Variants in SLC6A17 observed in about 807,000 individuals in gnomAD.
SLC6A17 encodes sodium-dependent neutral amino acid transporter SLC6A17.
In SLC6A17, 21 loss-of-function variants were observed where a neutral mutation model predicts 64.5. That is an observed-to-expected ratio of 0.33 (90% CI 0.23 to 0.47). The LOEUF (loss-of-function observed/expected upper bound fraction) is 0.47, where lower values mean the gene tolerates loss of function less well. SLC6A17 is among the 20% of genes least tolerant of loss of function. The pLI, the probability that SLC6A17 is intolerant of heterozygous loss-of-function variation, is 1.00. For missense variants in SLC6A17, 682 were observed against 963.2 expected, an observed-to-expected ratio of 0.71 and a Z score of 3.86; for synonymous variants, 372 against 399.5, an observed-to-expected ratio of 0.93 and a Z score of 0.82.
intron 6 of SLC6A17, among the ~76,000 whole-genome samples, chr1:110,185,889 T>C (rs1419435001): frequency 6.6e-6 from 1 of 152,060 alleles, no homozygotes; most frequent in Middle Eastern, 3.2e-3. Flanking sequence ...TCAGCAAGAG[T>C]ACCCCTCTGA....
Position 110,197,465 on chromosome 1 carries a change from G to T in SLC6A17, c.1681G>T (p.Gly561Cys), listed in dbSNP as rs1427680960. The change falls in exon 11 of 12, where the codon GGC (glycine) becomes TGC (cysteine). Residue 561 changes from glycine to cysteine, a missense_variant. Gly to Cys is a radical substitution (Grantham distance 159). Coordinates refer to ENST00000331565, the MANE Select transcript of SLC6A17 (RefSeq NM_001010898.4). ...CATGCAGGAGCTGACGGAGATGCTG[G>T]GCTTCCGCCCCTACCGCTTCTATTT... ...KFMQELTEML[G>C]FRPYRFYFYM... 6.2e-7 allele frequency: 1 copy of T among 1,613,162 alleles called. No individual in the cohort carries two copies. Among genetic ancestry groups the T allele is most frequent in the Admixed American group, 1.7e-5 (1 of 59,926 alleles).
At chr1:110,173,226 CAT>C (rs1247458872) in intron 3 of SLC6A17, among the ~76,000 whole-genome samples, 1 of 152,268 alleles carries the variant, frequency 6.6e-6, no homozygotes, top group Non-Finnish European at 1.5e-5. Flanking sequence ...CTCCTGCACA[CAT>C]GTGCTCAGGT....
intron 11 of SLC6A17, 78 bp downstream of exon 11, chr1:110,197,677 C>A: frequency 6.9e-7 from 1 of 1,440,198 alleles, no homozygotes; most frequent in East Asian, 2.4e-5. Flanking sequence ...AGGGATACAC[C>A]TTTCTAGGGC....
At chr1:110,189,781 G>A (rs1011197894) in intron 6 of SLC6A17, among the ~76,000 whole-genome samples, 1 of 152,046 alleles carries the variant, frequency 6.6e-6, no homozygotes, top group Non-Finnish European at 1.5e-5. Flanking sequence ...GCTTCTTCCC[G>A]AATGTTCTTC....
intron 2 of SLC6A17, among the ~76,000 whole-genome samples, chr1:110,169,619 G>T (rs369888187): frequency 6.6e-6 from 1 of 151,986 alleles, no homozygotes; most frequent in Non-Finnish European, 1.5e-5. Flanking sequence ...AATACTGACC[G>T]AGGCATAGAT....
At chr1:110,195,547 G>C (rs1656939023) in intron 9 of SLC6A17, 39 bp from the exon 10 acceptor site, 1 of 1,610,666 alleles carries the variant, frequency 6.2e-7, no homozygotes, top group Admixed American at 1.7e-5. Flanking sequence ...TGCCCACCCT[G>C]CACCTTTGCC....
At chr1:110,161,411 C>T (rs1249963524) in intron 1 of SLC6A17, among the ~76,000 whole-genome samples, 5 of 152,044 alleles carry the variant, frequency 3.3e-5, no homozygotes, top group African/African-American at 1.2e-4. Context: ...TTCTTGGGGG[C>T]TCTTCAGGGT....
In SLC6A17 at chr1:110,200,701, T is replaced by C. The variant is rs1657102011; in HGVS notation, c.*2257T>C. The stretch of plus-strand genomic sequence containing the variant: ...GCTGGGGCTGTGTGCTTGCTAGGTG[T>C]GGGCGCGCTAGTGCTCGTTGTAGCC... On this transcript the variant is annotated 3_prime_UTR_variant, in exon 12 of 12. Transcript: ENST00000331565. The C allele has an allele frequency of 6.6e-6, 1 of 152,274 alleles. No homozygotes were observed. 9.4% of individuals were successfully genotyped at this position (152,274 alleles called of 1,614,324 possible).
intron 1 of SLC6A17, among the ~76,000 whole-genome samples, chr1:110,159,828 G>A (rs986841661): frequency 6.6e-6 from 1 of 152,152 alleles, no homozygotes; most frequent in African/African-American, 2.4e-5. Flanking sequence ...CTAGAAGTTG[G>A]AAAAACACAT....
chr1:110,187,554 T>A (rs1223264104), intron 6 of SLC6A17, among the ~76,000 whole-genome samples: 1 of 152,222 alleles, frequency 6.6e-6, no homozygotes, highest in Non-Finnish European at 1.5e-5. Context: ...GGAGGCAGCT[T>A]TAGGCTAAAC....
At chr1:110,152,520 A>C (rs1655636929) in intron 1 of SLC6A17, among the ~76,000 whole-genome samples, 1 of 152,152 alleles carries the variant, frequency 6.6e-6, no homozygotes, top group Non-Finnish European at 1.5e-5. Context: ...AAGTCCTCTG[A>C]AGGAGCTAAG....
At position 110,174,057 on chromosome 1, in the gene SLC6A17, C is replaced by T; in HGVS notation, c.529C>T (p.Pro177Ser). The T allele has an allele frequency of 1.9e-6, 3 of 1,614,194 alleles. No individual in the cohort carries two copies. The highest frequency in any genetic ancestry group is 1.7e-6 in the Non-Finnish European group (2 of 1,180,028). ...YFFKSFQYPL[P>S]WSECPVVRNG... ...CTTCAAGTCCTTCCAGTACCCGCTG[C>T]CCTGGAGTGAATGTCCTGTCGTCAG... The change falls in exon 4 of 12, where the codon CCC (proline) becomes TCC (serine). Residue 177 changes from proline to serine, a missense_variant. Transcript: ENST00000331565.
Position 110,192,742 on chromosome 1 carries a change from A to G in SLC6A17, c.1299+44A>G. 3 of 1,576,632 alleles carry G rather than the reference A, an allele frequency of 1.9e-6. No individual in the cohort carries two copies. The South Asian group carries it at 3.5e-5, about 18-fold the overall frequency. On this transcript the variant is annotated intron_variant, in intron 8 of 11. Coordinates refer to ENST00000331565, the MANE Select transcript of SLC6A17 (RefSeq NM_001010898.4). The surrounding 1 kb of genome is among the most constrained non-coding windows in gnomAD (Gnocchi z 4.3). ...CTTCCCAGGACAGGCAGGAACCCAG[A>G]GAGCAGCTGTGGCCGGCGGGAGCTT...
At chr1:110,158,173 A>G (rs1315232431) in intron 1 of SLC6A17, among the ~76,000 whole-genome samples, 1 of 152,254 alleles carries the variant, frequency 6.6e-6, no homozygotes, top group Non-Finnish European at 1.5e-5. Flanking sequence ...AACAGGGCCT[A>G]GAACATAATG....
chr1:110,189,504 G>A (rs1020172503), intron 6 of SLC6A17, among the ~76,000 whole-genome samples: 3 of 152,178 alleles, frequency 2.0e-5, no homozygotes, highest in African/African-American at 7.2e-5. Context: ...CCCAGAAGCC[G>A]CTTCCTCGAA....
chr1:110,162,158 G>C (rs148931120), intron 1 of SLC6A17, among the ~76,000 whole-genome samples: 1 of 152,200 alleles, frequency 6.6e-6, no homozygotes, highest in Non-Finnish European at 1.5e-5. Flanking sequence ...CGTGTTGCTC[G>C]TGAAAGCCAC....
intron 1 of SLC6A17, among the ~76,000 whole-genome samples, chr1:110,151,194 C>T (rs1655591220): frequency 6.6e-6 from 1 of 152,246 alleles, no homozygotes; most frequent in Non-Finnish European, 1.5e-5. Flanking sequence ...TTGGGCTTAG[C>T]TGCGGAGGCA....
At chr1:110,153,395 A>G (rs1001874239) in intron 1 of SLC6A17, among the ~76,000 whole-genome samples, 3 of 152,256 alleles carry the variant, frequency 2.0e-5, no homozygotes, top group African/African-American at 7.2e-5. Flanking sequence ...CTCCGTCTAT[A>G]AAATGTCCAG....
At position 110,192,217 on chromosome 1, in the gene SLC6A17, G is replaced by C; in HGVS notation, c.1106+4G>C. 6.2e-7 allele frequency: 1 copy of C among 1,605,118 alleles called. No individual in the cohort carries two copies. Among genetic ancestry groups the C allele is most frequent in the Non-Finnish European group, 8.5e-7 (1 of 1,173,322 alleles). The stretch of plus-strand genomic sequence containing the variant: ...TGAATGAGAAGTGTGTGGTCGAGTA[G>C]GTGGCATCTCTCCTCCTGTCCCTCC... On this transcript the variant is annotated splice_donor_region_variant and intron_variant, in intron 7 of 11. Transcript: ENST00000331565. The surrounding 1 kb of genome is among the most constrained non-coding windows in gnomAD (Gnocchi z 4.3).
Sources: allele counts gnomAD v4.1 joint callset (sites outside exome capture counted in the v4.1 genomes callset), GRCh38; gene constraint gnomAD v4.1.1; non-coding constraint Gnocchi (gnomAD v3.1); transcripts MANE v1.5; gene names NCBI Gene and HGNC (gene_info 2026-07-23, HGNC 2026-07-21).